WNK1: variants seen among roughly 807,000 people sequenced by gnomAD.
WNK1 encodes WNK lysine deficient protein kinase 1.
A neutral mutation model predicts 222.8 loss-of-function variants in WNK1; 38 were observed. The ratio of observed to expected loss-of-function variants is 0.17; its 90% CI spans 0.13 to 0.22. The LOEUF is 0.22. Among genes scored for constraint, WNK1 ranks in the 10% least tolerant of loss-of-function variants. WNK1 has a pLI of 1.00. For missense variants in WNK1, 2,348 were observed against 2,918.4 expected (o/e 0.80, Z 4.50); for synonymous variants, 1,090 against 1,092.9 (o/e 1.00, Z 0.05).
In WNK1 at chr12:878,197, G is replaced by A. The variant is rs1290927147; in HGVS notation, c.2224-15G>A. 1 of 1,613,810 alleles carries A rather than the reference G, an allele frequency of 6.2e-7. No homozygotes were observed. Among genetic ancestry groups the A allele is most frequent in the Non-Finnish European group, 8.5e-7 (1 of 1,179,916 alleles). On this transcript the variant is annotated splice_polypyrimidine_tract_variant and intron_variant, in intron 9 of 27. Transcript: ENST00000315939. ...TGATTTGAAATAAAACTGAATCATT[G>A]TATTTTATTCTTAGCAGCAGGGAAT...
chr12:888,317 GA>G (rs774946438), intron 20 of WNK1, among the ~76,000 whole-genome samples: 17 of 152,168 alleles, frequency 1.1e-4, no homozygotes, highest in Non-Finnish European at 2.4e-4. Context: ...ACATTTGGGG[GA>G]AAGTGCATTG....
intron 4 of WNK1, among the ~76,000 whole-genome samples, chr12:841,624 G>A (rs532724642): frequency 6.6e-6 from 1 of 152,260 alleles, no homozygotes; most frequent in South Asian, 2.1e-4. Context: ...CATTTGGGCT[G>A]CTATATCAAA....
At chr12:898,269 G>A (rs1954915268) in intron 25 of WNK1, among the ~76,000 whole-genome samples, 1 of 152,026 alleles carries the variant, frequency 6.6e-6, no homozygotes, top group Non-Finnish European at 1.5e-5. Flanking sequence ...CAGATCACGA[G>A]GTCAGGAGAT....
intron 20 of WNK1, 134 bp downstream of exon 20, chr12:887,438 T>C (rs72650742): frequency 7.2e-6 from 6 of 829,776 alleles, no homozygotes; most frequent in Admixed American, 6.0e-5. Context: ...TAAAATGTTA[T>C]AACCAATGAC....
In WNK1 at chr12:910,707, C is replaced by T. The variant is rs1481642947; in HGVS notation, c.*1915C>T. ...CATATTCTGGGAATCACCACCACCA[C>T]CACCACTACCACAGAAAGAGGCTGG... On this transcript the variant is annotated 3_prime_UTR_variant, in exon 28 of 28. Transcript: ENST00000315939. The T allele has an allele frequency of 1.3e-5, 2 of 152,520 alleles. No individual in the cohort carries two copies. Among genetic ancestry groups the T allele is most frequent in the Admixed American group, 6.5e-5 (1 of 15,296 alleles). The allele number at this position is 152,520 out of a possible 1,614,324, so 9.4% of individuals were successfully genotyped here.
At chr12:819,800 C>T (rs1240353555) in intron 2 of WNK1, among the ~76,000 whole-genome samples, 1 of 152,108 alleles carries the variant, frequency 6.6e-6, no homozygotes, top group Non-Finnish European at 1.5e-5. Context: ...GTCCAGTTAT[C>T]CCAGCATCAT....
chr12:797,948 C>CAAA (rs10542152), intron 1 of WNK1, among the ~76,000 whole-genome samples: 1 of 123,830 alleles, frequency 8.1e-6, no homozygotes, highest in African/African-American at 3.0e-5. Context: ...GACTCTGTCT[C>CAAA]AAAAAAAAAA....
At chr12:880,236 A>G (rs764373746) in intron 11 of WNK1, among the ~76,000 whole-genome samples, 6 of 152,252 alleles carry the variant, frequency 3.9e-5, no homozygotes, top group Non-Finnish European at 7.3e-5. Flanking sequence ...TCTTCAGAGA[A>G]AAATGGTTCT....
chr12:800,215 A>G (rs1022168133), intron 1 of WNK1, among the ~76,000 whole-genome samples: 2 of 152,212 alleles, frequency 1.3e-5, no homozygotes, highest in African/African-American at 4.8e-5. Context: ...TATAAAGTTA[A>G]AAGAAGTCAT....
chr12:856,177 G>A (rs1181634009), intron 4 of WNK1, among the ~76,000 whole-genome samples: 2 of 151,810 alleles, frequency 1.3e-5, no homozygotes, highest in Non-Finnish European at 2.9e-5. Flanking sequence ...GCTGGGTATG[G>A]TGGCTCACGC....
In WNK1 at chr12:827,619, A is replaced by G. The variant is rs141099218; in HGVS notation, c.1153+357A>G. On this transcript the variant is annotated intron_variant, in intron 3 of 27. Transcript: ENST00000315939. This position sits in a 1 kb window ranked among gnomAD's most constrained non-coding sequence, Gnocchi z 4.6. ...TCTCAGCTCACTGCAACCTCCACCC[A>G]CCGGGTTCAAGCGATTCTTGTGCCT... The G allele has an allele frequency of 0.01, 2,568 of 252,940 alleles. 66 individuals carry two copies. Among genetic ancestry groups the G allele is most frequent in the African/African-American group, 0.052 (2,352 of 45,250 alleles). 15.7% of individuals were successfully genotyped at this position (252,940 alleles called of 1,614,324 possible). A position where few individuals can be genotyped will look rare whatever the true frequency, so the allele number is the denominator to read the frequency against.
Position 908,766 on chromosome 12 carries a change from C to A in WNK1, c.7123C>A (p.Pro2375Thr). 6.2e-7 allele frequency: 1 copy of A among 1,613,764 alleles called. No individual in the cohort carries two copies. Among genetic ancestry groups the A allele is most frequent in the Non-Finnish European group, 8.5e-7 (1 of 1,179,964 alleles). ...TTTGCAGAAATCCATCAGCAACCCCCCAGGCTCCAACCTGCGGACCACTTA... is the reference window on the plus strand; with the variant it reads ...TTTGCAGAAATCCATCAGCAACCCCACAGGCTCCAACCTGCGGACCACTTA... ...SNLQKSISNP[P>T]GSNLRTT The change falls in exon 28 of 28, where the codon CCA becomes ACA. Residue 2375 changes from proline (P) to threonine (T), a missense_variant. Pro to Thr is a conservative substitution (Grantham distance 38). This residue lies in a region of WNK1 where 76 missense variants were observed against 85.7 expected (regional missense o/e 0.89). Transcript: ENST00000315939.
At chr12:908,170 C>T in intron 27 of WNK1, 136 bp downstream of exon 27, 1 of 1,118,914 alleles carries the variant, frequency 8.9e-7, no homozygotes, top group Non-Finnish European at 1.3e-6. Context: ...AGGCAAAAAT[C>T]CCCCAGGTAC....
At position 752,666 on chromosome 12, in the gene WNK1, G is replaced by C. The variant is rs1269470413; in HGVS notation, c.-900G>C. The stretch of plus-strand genomic sequence containing the variant: ...CTCCGCACCCCCATCTTCGGTGACA[G>C]AAGGCGCCTGGTGGGGGTGGCTGCT... On this transcript the variant is annotated 5_prime_UTR_variant, in exon 1 of 28. Transcript: ENST00000315939. 1 of 152,422 alleles carries C rather than the reference G, an allele frequency of 6.6e-6. No homozygotes were observed. The highest frequency in any genetic ancestry group is 2.4e-5 in the African/African-American group (1 of 41,440). The allele number at this position is 152,422 out of a possible 1,614,324, so 9.4% of individuals were successfully genotyped here.
chr12:761,287 A>T (rs775093067), intron 1 of WNK1, among the ~76,000 whole-genome samples: 1 of 148,168 alleles, frequency 6.7e-6, no homozygotes, highest in Non-Finnish European at 1.5e-5. Context: ...CCAAATTACC[A>T]TATTAAATAC....
At chr12:831,711 C>A (rs10735065) in intron 4 of WNK1, among the ~76,000 whole-genome samples, 2 of 151,732 alleles carry the variant, frequency 1.3e-5, no homozygotes, top group African/African-American at 4.9e-5. Flanking sequence ...AATGAATTAA[C>A]ATTTTTAAAC....
chr12:903,912 TA>T (rs1448834150), intron 26 of WNK1, among the ~76,000 whole-genome samples: 2 of 152,214 alleles, frequency 1.3e-5, no homozygotes, highest in African/African-American at 4.8e-5. Context: ...CACGTACTTT[TA>T]AAAACTATTC....
intron 4 of WNK1, among the ~76,000 whole-genome samples, chr12:832,963 T>C (rs1038484575): frequency 1.8e-4 from 28 of 152,174 alleles, no homozygotes; most frequent in Non-Finnish European, 4.4e-5. Flanking sequence ...CCAGTTCATG[T>C]CTCTTATTAT....
chr12:767,990 A>G (rs1247611828), intron 1 of WNK1, among the ~76,000 whole-genome samples: 1 of 151,850 alleles, frequency 6.6e-6, no homozygotes, highest in Admixed American at 6.5e-5. Flanking sequence ...ACCTAGACAA[A>G]AAAAGCCACC....
Sources: gnomAD v4.1 joint callset for allele counts (sites outside exome capture counted in the v4.1 genomes callset) on GRCh38, gnomAD v4.1.1 for gene constraint, gnomAD v4.1.1 regional missense constraint, Gnocchi (gnomAD v3.1) non-coding constraint, MANE v1.5 for transcripts, NCBI Gene and HGNC (gene_info 2026-07-23, HGNC 2026-07-21) for gene names.